SLC9C2: variants seen among roughly 807,000 people sequenced by gnomAD.
SLC9C2 encodes solute carrier family 9 member C2 (putative), also known as sodium/hydrogen exchanger 11.
In SLC9C2, 75 loss-of-function variants were observed where a neutral mutation model predicts 140.2. The observed-to-expected ratio is 0.53, with a 90% CI of 0.44 to 0.65. SLC9C2 has a LOEUF of 0.65. Among genes scored for constraint, SLC9C2 ranks in the 30% least tolerant of loss-of-function variants. The pLI, the probability that SLC9C2 is intolerant of heterozygous loss-of-function variation, is 0.00. For missense variants in SLC9C2, 1,074 were observed against 1,331.8 expected, an observed-to-expected ratio of 0.81 and a Z score of 3.01; for synonymous variants, 375 against 420.9, an observed-to-expected ratio of 0.89 and a Z score of 1.34.
chr1:173,575,677 C>A (rs1016685807), intron 8 of SLC9C2, among the ~76,000 whole-genome samples: 1 of 152,002 alleles, frequency 6.6e-6, no homozygotes, highest in South Asian at 2.1e-4. Context: ...CCCGGGTTCA[C>A]GCCATTCTCC....
intron 9 of SLC9C2, among the ~76,000 whole-genome samples, chr1:173,563,276 T>C (rs139055261): frequency 2.0e-5 from 3 of 152,204 alleles, no homozygotes; most frequent in Admixed American, 2.0e-4. Context: ...GCTGAATGCA[T>C]GGTTTTTAGG....
rs2102288575 is a variant in SLC9C2 at position 173,601,771 on chromosome 1, A to G, written c.6T>C (p.Ser2=). The G allele has an allele frequency of 1.2e-6, 2 of 1,613,604 alleles. No individual in the cohort carries two copies. The highest frequency in any genetic ancestry group is 4.5e-5 in the East Asian group (2 of 44,848). Residue 2 remains serine, a synonymous_variant, in exon 2 of 28, where the codon AGT becomes AGC. Coordinates refer to ENST00000367714, the MANE Select transcript of SLC9C2 (RefSeq NM_178527.4). Reference sequence around the variant, plus strand: ...TTTCATTTTGTGCCCAGAAGTAAGAACTCATTTTTGCTGCTGCTTTTCCCC... The same window carrying G: ...TTTCATTTTGTGCCCAGAAGTAAGAGCTCATTTTTGCTGCTGCTTTTCCCC... M[S]SYFWAQNESN... is the part of the protein sequence containing the mutation.
At chr1:173,539,320 C>T (rs1010952501) in intron 13 of SLC9C2, among the ~76,000 whole-genome samples, 6 of 152,078 alleles carry the variant, frequency 3.9e-5, no homozygotes, top group African/African-American at 1.2e-4. Context: ...TGAAAGTTAT[C>T]GTCTGGACAA....
chr1:173,576,737 T>C lies in SLC9C2; in HGVS notation c.826A>G (p.Thr276Ala). Residue 276 changes from threonine (T) to alanine (A), a missense_variant, in exon 8 of 28, where the codon ACT becomes GCT. Transcript: ENST00000367714. ...YIVEFLGMSG[T>A]LALAAVGLNL... ...AGTCCTACAGCGGCTAAGGCAAGAG[T>C]GCCTGACATTCCTAAAAATTCCACT... The C allele has an allele frequency of 6.2e-7, 1 of 1,602,410 alleles. No individual in the cohort carries two copies. The highest frequency in any genetic ancestry group is 8.5e-7 in the Non-Finnish European group (1 of 1,176,814).
chr1:173,501,235 T>A (rs1222095307), intron 27 of SLC9C2, 138 bp from the exon 28 acceptor site: 6 of 887,498 alleles, frequency 6.8e-6, no homozygotes, highest in Non-Finnish European at 9.3e-6. Flanking sequence ...AAGATCTTCA[T>A]ATGAAGAGTT....
chr1:173,526,349 C>T (rs1467899673), intron 19 of SLC9C2, among the ~76,000 whole-genome samples: 1 of 152,218 alleles, frequency 6.6e-6, no homozygotes, highest in Non-Finnish European at 1.5e-5. Flanking sequence ...GGACTCTGAC[C>T]TTGCCACCTT....
chr1:173,574,868 C>T (rs1219670858), intron 8 of SLC9C2, among the ~76,000 whole-genome samples: 1 of 151,950 alleles, frequency 6.6e-6, no homozygotes, highest in Non-Finnish European at 1.5e-5. Flanking sequence ...CATGTAATCA[C>T]AACATTTTGG....
chr1:173,550,440 A>ATTT lies in SLC9C2; in HGVS notation c.1298-1891_1298-1889dup, dbSNP rs1304209360. Among the ~76,000 whole-genome samples, 881 of 124,164 alleles carry ATTT rather than the reference A, an allele frequency of 7.1e-3. 7 individuals are homozygous for ATTT. Among genetic ancestry groups the ATTT allele is most frequent in the African/African-American group, 0.025 (669 of 27,118 alleles). The allele number at this position is 124,164 out of a possible 152,430, so 81.5% of individuals were successfully genotyped here. ...TTTTATTTTATTTATTTATTTATTT[A>ATTT]TTTATTTATTTATTTTTGAGGAGGA... On this transcript the variant is annotated intron_variant, in intron 11 of 27. Transcript: ENST00000367714.
intron 27 of SLC9C2, among the ~76,000 whole-genome samples, chr1:173,502,880 C>A (rs1183858944): frequency 6.6e-6 from 1 of 152,178 alleles, no homozygotes; most frequent in Non-Finnish European, 1.5e-5. Flanking sequence ...TGTGACTCCA[C>A]AAACTGCAAG....
Position 173,569,452 on chromosome 1 carries a change from C to T in SLC9C2, c.1046+3730G>A, listed in dbSNP as rs565572216. ...CCTTCTTTGGGTTAAATCTGCTCAG[C>T]GTTCTACAACCTTCTTGTACTTGAA... is the stretch of plus-strand genomic sequence containing the variant. On this transcript the variant is annotated intron_variant, in intron 9 of 27. Transcript: ENST00000367714. Among the ~76,000 whole-genome samples, 23 of 152,022 alleles carry T rather than the reference C, an allele frequency of 1.5e-4. 1 individual carries two copies. Among genetic ancestry groups the T allele is most frequent in the Admixed American group, 9.2e-4 (14 of 15,278 alleles).
At chr1:173,584,621 A>G (rs1665748086) in intron 5 of SLC9C2, among the ~76,000 whole-genome samples, 2 of 151,980 alleles carry the variant, frequency 1.3e-5, no homozygotes, top group African/African-American at 4.8e-5. Flanking sequence ...GTTTTAAGGA[A>G]TTTGCTTTTT....
At chr1:173,501,328 A>T (rs549479860) in intron 27 of SLC9C2, among the ~76,000 whole-genome samples, 1 of 152,144 alleles carries the variant, frequency 6.6e-6, no homozygotes, top group African/African-American at 2.4e-5. Flanking sequence ...CCATGAGAGT[A>T]GTCTATCAAA....
At chr1:173,540,242 G>C (rs1057149329) in intron 13 of SLC9C2, among the ~76,000 whole-genome samples, 3 of 152,110 alleles carry the variant, frequency 2.0e-5, no homozygotes, top group African/African-American at 7.2e-5. Context: ...GGACATCCTG[G>C]ACCCTCCAAC....
intron 11 of SLC9C2, among the ~76,000 whole-genome samples, chr1:173,549,191 C>T (rs578023721): frequency 3.3e-4 from 50 of 152,336 alleles, no homozygotes; most frequent in Non-Finnish European, 6.2e-4. Flanking sequence ...AAGCTGTTCT[C>T]TCCTTAAAAT....
At chr1:173,527,128 A>G (rs567874870) in intron 18 of SLC9C2, among the ~76,000 whole-genome samples, 7 of 152,172 alleles carry the variant, frequency 4.6e-5, no homozygotes, top group Admixed American at 2.6e-4. Flanking sequence ...TACAGGCATA[A>G]GCCACCACAC....
At chr1:173,503,398 T>C in intron 26 of SLC9C2, 72 bp from the exon 27 acceptor site, 1 of 1,341,484 alleles carries the variant, frequency 7.5e-7, no homozygotes, top group Non-Finnish European at 1.1e-6. Context: ...AGAAAATATT[T>C]TGAAATATCT....
At chr1:173,547,648 C>T in intron 13 of SLC9C2, 41 bp downstream of exon 13, 1 of 1,505,662 alleles carries the variant, frequency 6.6e-7, no homozygotes, top group Non-Finnish European at 9.2e-7. Flanking sequence ...AAAGACATTG[C>T]AAGAAAGGAA....
chr1:173,558,038 T>C (rs17346682), intron 9 of SLC9C2, among the ~76,000 whole-genome samples: 2,626 of 152,340 alleles, frequency 0.017, 29 homozygotes, highest in Non-Finnish European at 0.026. Context: ...ATTACTTTTC[T>C]ATACGACCCT....
chr1:173,514,538 C>T (rs1409101372), intron 23 of SLC9C2, among the ~76,000 whole-genome samples: 1 of 151,614 alleles, frequency 6.6e-6, no homozygotes, highest in Non-Finnish European at 1.5e-5. Flanking sequence ...TTATTTTGAG[C>T]CTATGTGAGA....
Sources: gnomAD v4.1 joint callset for allele counts (sites outside exome capture counted in the v4.1 genomes callset) on GRCh38, gnomAD v4.1.1 for gene constraint, MANE v1.5 for transcripts, NCBI Gene and HGNC (gene_info 2026-07-23, HGNC 2026-07-21) for gene names.